Variants in SELENOF observed in about 807,000 individuals in gnomAD.
SELENOF encodes selenoprotein F, also known as 15 kDa selenoprotein.
In SELENOF, 16 loss-of-function variants were observed where a neutral mutation model predicts 20.5. The observed-to-expected ratio is 0.78, with a 90% CI of 0.53 to 1.19. SELENOF has a LOEUF of 1.19. SELENOF is among the 50% of genes most tolerant of loss of function. The probability of loss-of-function intolerance (pLI) is 0.00; values close to 1 mark genes in which losing one functional copy is unlikely to be tolerated. For missense variants in SELENOF, 215 were observed against 194.2 expected (o/e 1.11, Z -0.64); for synonymous variants, 78 against 74.5 (o/e 1.05, Z -0.24).
chr1:86,913,893 G>A (rs560576090), intron 1 of SELENOF, 135 bp downstream of exon 1: 147 of 771,950 alleles, frequency 1.9e-4, no homozygotes, highest in Non-Finnish European at 2.9e-4. Flanking sequence ...AAGCCACGTT[G>A]CATTCTGGCC....
intron 1 of SELENOF, among the ~76,000 whole-genome samples, chr1:86,903,795 T>C (rs1479238086): frequency 4.6e-5 from 7 of 152,098 alleles, no homozygotes; most frequent in Admixed American, 4.6e-4. Context: ...GGGGCCACGA[T>C]GGTCTTGATC....
chr1:86,885,345 T>C (rs1417254205), intron 2 of SELENOF, among the ~76,000 whole-genome samples: 2 of 152,172 alleles, frequency 1.3e-5, no homozygotes, highest in Admixed American at 6.5e-5. Flanking sequence ...AAGGTCCAAC[T>C]AGTTGCCACA....
chr1:86,909,092 C>G (rs1659907745), intron 1 of SELENOF, among the ~76,000 whole-genome samples: 1 of 152,200 alleles, frequency 6.6e-6, no homozygotes, highest in African/African-American at 2.4e-5. Flanking sequence ...AGCAGTATCT[C>G]AATCTCAAAG....
chr1:86,880,437 G>A (rs373290427), intron 3 of SELENOF, among the ~76,000 whole-genome samples: 82 of 152,060 alleles, frequency 5.4e-4, no homozygotes, highest in African/African-American at 1.9e-3. Context: ...GACCCACCAC[G>A]CCTGGCCTCT....
chr1:86,893,450 C>CAAAAAAAAA (rs10714134), intron 2 of SELENOF, among the ~76,000 whole-genome samples: 1 of 90,528 alleles, frequency 1.1e-5, no homozygotes, highest in African/African-American at 3.6e-5. Context: ...TACTAAAATA[C>CAAAAAAAAA]AAAAAAAAAA....
At chr1:86,910,717 A>T (rs1417067476) in intron 1 of SELENOF, among the ~76,000 whole-genome samples, 2 of 151,080 alleles carry the variant, frequency 1.3e-5, no homozygotes, top group African/African-American at 2.4e-5. Context: ...AAAAAAAAAA[A>T]AAAAGGTTTC....
intron 4 of SELENOF, among the ~76,000 whole-genome samples, chr1:86,864,898 T>C (rs969490406): frequency 2.0e-5 from 3 of 152,256 alleles, no homozygotes; most frequent in African/African-American, 7.2e-5. Context: ...CCTCCCAAAG[T>C]GCTGGGATTA....
chr1:86,897,060 C>G (rs987193057), intron 2 of SELENOF, among the ~76,000 whole-genome samples: 1 of 152,042 alleles, frequency 6.6e-6, no homozygotes, highest in Admixed American at 6.5e-5. Flanking sequence ...AATTCTAGCA[C>G]TTTGGGAGGC....
intron 2 of SELENOF, among the ~76,000 whole-genome samples, chr1:86,884,388 C>G (rs959851570): frequency 1.3e-5 from 2 of 151,632 alleles, no homozygotes; most frequent in Non-Finnish European, 2.9e-5. Flanking sequence ...TATACACACA[C>G]ATATATATAC....
At chr1:86,868,744 G>A (rs1658677897) in intron 3 of SELENOF, among the ~76,000 whole-genome samples, 1 of 151,784 alleles carries the variant, frequency 6.6e-6, no homozygotes, top group Non-Finnish European at 1.5e-5. Flanking sequence ...ACAGCACAGA[G>A]AACTTACATA....
intron 2 of SELENOF, among the ~76,000 whole-genome samples, chr1:86,894,333 G>A (rs1462931899): frequency 6.6e-6 from 1 of 151,700 alleles, no homozygotes; most frequent in East Asian, 1.9e-4. Context: ...AGCTTGCTTT[G>A]TTTTTTTATG....
chr1:86,862,622 T>G lies in SELENOF; in HGVS notation c.*852A>C, dbSNP rs1389908748. ...TAAGTTTTAAATATTACAGCCATTT[T>G]TACATTTTGGCTAAAAAAAGGGCTT... On this transcript the variant is annotated 3_prime_UTR_variant, in exon 5 of 5. Transcript: ENST00000331835. 6.6e-6 allele frequency: 1 copy of G among 152,178 alleles called. No individual in the cohort carries two copies. The highest frequency in any genetic ancestry group is 2.4e-5 in the African/African-American group (1 of 41,468). The allele number at this position is 152,178 out of a possible 1,614,324, so 9.4% of individuals were successfully genotyped here. A position where few individuals can be genotyped will look rare whatever the true frequency, so the allele number is the denominator to read the frequency against.
chr1:86,878,056 C>T (rs1165596964), intron 3 of SELENOF, among the ~76,000 whole-genome samples: 1 of 151,984 alleles, frequency 6.6e-6, no homozygotes, highest in Non-Finnish European at 1.5e-5. Context: ...GAATACTAGA[C>T]AAAATCTACT....
At chr1:86,863,629 A>G in intron 4 of SELENOF, 24 bp from the exon 5 acceptor site, 1 of 1,608,182 alleles carries the variant, frequency 6.2e-7, no homozygotes, top group South Asian at 1.1e-5. Context: ...GGACGTCATC[A>G]TTACTTTCTG....
chr1:86,910,225 A>G (rs531507302), intron 1 of SELENOF, among the ~76,000 whole-genome samples: 1 of 152,362 alleles, frequency 6.6e-6, no homozygotes, highest in East Asian at 1.9e-4. Flanking sequence ...ATACGTCATG[A>G]GTATGAATTC....
At chr1:86,870,317 T>C (rs1279304921) in intron 3 of SELENOF, among the ~76,000 whole-genome samples, 2 of 152,258 alleles carry the variant, frequency 1.3e-5, no homozygotes, top group African/African-American at 4.8e-5. Flanking sequence ...AAACCAATTA[T>C]GCTATTCTGG....
At chr1:86,889,055 C>T (rs1659311584) in intron 2 of SELENOF, among the ~76,000 whole-genome samples, 1 of 151,928 alleles carries the variant, frequency 6.6e-6, no homozygotes, top group South Asian at 2.1e-4. Flanking sequence ...TACATTTGAA[C>T]TTTAAAAAGA....
At chr1:86,913,964 GT>G in intron 1 of SELENOF, 63 bp downstream of exon 1, 33 of 1,449,706 alleles carry the variant, frequency 2.3e-5, no homozygotes, top group Non-Finnish European at 3.1e-5. Flanking sequence ...CGAATGTTGC[GT>G]CTTTCTCAGC....
chr1:86,910,813 T>C (rs1183462613), intron 1 of SELENOF, among the ~76,000 whole-genome samples: 2 of 152,202 alleles, frequency 1.3e-5, no homozygotes, highest in Non-Finnish European at 2.9e-5. Context: ...GCACATGTAT[T>C]TTTTAATCTC....
Sources: gnomAD v4.1 joint callset for allele counts (sites outside exome capture counted in the v4.1 genomes callset) on GRCh38, gnomAD v4.1.1 for gene constraint, MANE v1.5 for transcripts, NCBI Gene and HGNC (gene_info 2026-07-23, HGNC 2026-07-21) for gene names.